RFLNA: variants seen among roughly 807,000 people sequenced by gnomAD.
RFLNA encodes the protein refilin-A.
In RFLNA, 5 loss-of-function variants were observed where a neutral mutation model predicts 7.8. That is an observed-to-expected ratio of 0.64 (90% confidence interval 0.34 to 1.35). The LOEUF is 1.35. RFLNA is among the 40% of genes most tolerant of loss of function. RFLNA has a pLI of 0.04. For missense variants in RFLNA, 278 were observed against 305.5 expected (o/e 0.91, Z 0.67); for synonymous variants, 141 against 131.3 (o/e 1.07, Z -0.50).
In RFLNA at chr12:124,314,352, C is replaced by T. The variant is rs763677847; in HGVS notation, c.478C>T (p.Arg160Cys). The part of the protein sequence containing the change: ...RSQLTLEPRP[R>C]ALRFRSTTII... ...CCAGCTGACCCTGGAGCCACGCCCG[C>T]GCGCCCTGCGCTTCCGCAGCACCAC... is the stretch of plus-strand genomic sequence containing the variant. The change falls in exon 3 of 3, where the codon CGC (arginine) becomes TGC (cysteine). Residue 160 changes from arginine (R) to cysteine (C), a missense_variant. By Grantham distance (180) the Arg-to-Cys change is radical. Transcript: ENST00000546355. 6.8e-6 allele frequency: 11 copies of T among 1,613,316 alleles called. No individual in the cohort carries two copies. Among genetic ancestry groups the T allele is most frequent in the East Asian group, 2.2e-5 (1 of 44,884 alleles).
At chr12:124,292,307 G>A (rs2033836210), upstream of RFLNA, among the ~76,000 whole-genome samples, 1 of 152,180 alleles carries the variant, frequency 6.6e-6, no homozygotes, top group African/African-American at 2.4e-5. Flanking sequence ...GCCTGGAGCA[G>A]ACACCCCGAT....
chr12:124,295,420 C>T lies in RFLNA; in HGVS notation c.-10C>T, dbSNP rs895909030. 4.9e-5 allele frequency: 60 copies of T among 1,226,462 alleles called. No individual in the cohort carries two copies. Among genetic ancestry groups the T allele is most frequent in the Non-Finnish European group, 5.8e-5 (57 of 983,672 alleles). The allele number at this position is 1,226,462 out of a possible 1,614,324, so 76.0% of individuals were successfully genotyped here. A position where few individuals can be genotyped will look rare whatever the true frequency, so the allele number is the denominator to read the frequency against. On this transcript the variant is annotated 5_prime_UTR_variant, in exon 1 of 3. Transcript: ENST00000546355. ...AGGAGCGGGGGGCCCGCGCCCCGCGCCCCCCAGACATGGTGGGCCACCTGC... is the reference window on the plus strand; with the variant it reads ...AGGAGCGGGGGGCCCGCGCCCCGCGTCCCCCAGACATGGTGGGCCACCTGC...
chr12:124,292,207 C>T (rs1227837270), upstream of RFLNA, among the ~76,000 whole-genome samples: 4 of 152,162 alleles, frequency 2.6e-5, no homozygotes. Context: ...TTCTCCCATC[C>T]CTGGCAGATA....
intron 1 of RFLNA, among the ~76,000 whole-genome samples, chr12:124,304,169 A>G (rs1242489995): frequency 6.6e-6 from 1 of 152,256 alleles, no homozygotes; most frequent in Non-Finnish European, 1.5e-5. Flanking sequence ...CCCTGCAGCC[A>G]GAAAGACGAA....
At chr12:124,291,094 G>A (rs1019522700), upstream of RFLNA, among the ~76,000 whole-genome samples, 4 of 152,080 alleles carry the variant, frequency 2.6e-5, no homozygotes, top group Non-Finnish European at 5.9e-5. Context: ...TCCATGTCAC[G>A]GTCCACTGGG....
rs977361635 is a variant in RFLNA, at chr12:124,314,915, G to A, written c.*390G>A. 46 of 379,654 alleles carry A rather than the reference G, an allele frequency of 1.2e-4. No individual in the cohort carries two copies. The highest frequency in any genetic ancestry group is 8.1e-4 in the African/African-American group (39 of 48,268). The allele number at this position is 379,654 out of a possible 1,614,324, so 23.5% of individuals were successfully genotyped here. On this transcript the variant is annotated 3_prime_UTR_variant, in exon 3 of 3. Transcript: ENST00000546355. Reference sequence around the variant, plus strand: ...CATCCCAGCCTCAGCCGGTGGGGACGGCTGCCACTCCCCCAGAGCCCTGCC... The same window carrying A: ...CATCCCAGCCTCAGCCGGTGGGGACAGCTGCCACTCCCCCAGAGCCCTGCC...
chr12:124,301,229 A>T (rs1048211021), intron 1 of RFLNA, among the ~76,000 whole-genome samples: 6 of 152,170 alleles, frequency 3.9e-5, no homozygotes, highest in Non-Finnish European at 8.8e-5. Context: ...CGTCTGCTCG[A>T]TCCCGGGTGA....
rs531077088 is a variant in RFLNA, at chr12:124,313,416, T to C, written c.318-776T>C. On this transcript the variant is annotated intron_variant, in intron 2 of 2. Transcript: ENST00000546355. ...GGTTGCGGCTGGGCGTGGTGGCTCA[T>C]GCCTGTAATCCCAGCACTTTGGGAG... Among the ~76,000 whole-genome samples, 376 of 152,272 alleles carry C rather than the reference T, an allele frequency of 2.5e-3. 1 individual carries two copies. Among genetic ancestry groups the C allele is most frequent in the Middle Eastern group, 0.01 (3 of 294 alleles).
chr12:124,302,449 C>T (rs749865976), intron 1 of RFLNA, among the ~76,000 whole-genome samples: 1 of 152,134 alleles, frequency 6.6e-6, no homozygotes. Flanking sequence ...CTGACCCACT[C>T]GGGGTCTCCT....
At chr12:124,302,812 A>AGGGGCCGAGGTCAG (rs2034064665) in intron 1 of RFLNA, among the ~76,000 whole-genome samples, 14 of 128,848 alleles carry the variant, frequency 1.1e-4, no homozygotes, top group African/African-American at 3.9e-4. Flanking sequence ...GGCTGAGGTC[A>AGGGGCCGAGGTCAG]GGGGCCGAGG....
chr12:124,289,521 T>A lies in RFLNA; in HGVS notation c.-37+151T>A, dbSNP rs1426890963. 6.6e-6 allele frequency among the ~76,000 whole-genome samples: 1 copy of A among 152,166 alleles called. No homozygotes were observed. Among genetic ancestry groups the A allele is most frequent in the African/African-American group, 2.4e-5 (1 of 41,436 alleles). On this transcript the variant is annotated intron_variant, in intron 1 of 2. Coordinates refer to the RFLNA transcript ENST00000324038. This position sits in a 1 kb window ranked among gnomAD's most constrained non-coding sequence, Gnocchi z 5.0. ...GCTGTCCTGGACACGCACATACAAA[T>A]GGCAGCAGAACGTATGCCCAGGTCA... is the stretch of plus-strand genomic sequence containing the variant.
intron 1 of RFLNA, among the ~76,000 whole-genome samples, chr12:124,307,071 G>A (rs1593035392): frequency 6.6e-6 from 1 of 152,202 alleles, no homozygotes; most frequent in Admixed American, 6.5e-5. Context: ...GCATCACCAC[G>A]CACTAGACGC....
chr12:124,314,513 T>C lies in RFLNA; in HGVS notation c.639T>C (p.Pro213=), dbSNP rs1389516645. Reference sequence around the variant, plus strand: ...ACCCTGCCCCCAGCCTCCTGGGCCCTGCCACGCTCTGACGGGGCTGGGGCC... The same window carrying C: ...ACCCTGCCCCCAGCCTCCTGGGCCCCGCCACGCTCTGACGGGGCTGGGGCC... The part of the protein sequence containing the change: ...CQDPAPSLLG[P]ATL Residue 213 remains proline (P), a synonymous_variant, in exon 3 of 3, where the codon CCT becomes CCC. Transcript: ENST00000546355. The C allele has an allele frequency of 1.3e-6, 2 of 1,581,280 alleles. No homozygotes were observed. The highest frequency in any genetic ancestry group is 2.3e-5 in the East Asian group (1 of 43,790).
At chr12:124,308,479 ACC>A (rs1434475351) in intron 1 of RFLNA, among the ~76,000 whole-genome samples, 6 of 152,112 alleles carry the variant, frequency 3.9e-5, no homozygotes, top group Admixed American at 3.9e-4. Context: ...TTGGAAAGCC[ACC>A]TCTGGCCGTG....
At chr12:124,309,624 G>T (rs1332029807) in intron 1 of RFLNA, among the ~76,000 whole-genome samples, 1 of 152,198 alleles carries the variant, frequency 6.6e-6, no homozygotes, top group Non-Finnish European at 1.5e-5. Flanking sequence ...TTAAAGCCCC[G>T]CCCTTCACCT....
At chr12:124,310,876 T>G (rs1167072000) in intron 1 of RFLNA, among the ~76,000 whole-genome samples, 1 of 152,182 alleles carries the variant, frequency 6.6e-6, no homozygotes, top group African/African-American at 2.4e-5. Flanking sequence ...TTCCCCACCT[T>G]GCCAAGATTC....
intron 1 of RFLNA, among the ~76,000 whole-genome samples, chr12:124,305,910 A>G (rs1019854645): frequency 2.6e-5 from 4 of 152,092 alleles, no homozygotes; most frequent in Admixed American, 6.5e-5. Context: ...CCAGGGAGAG[A>G]TGGGGCCACC....
intron 1 of RFLNA, among the ~76,000 whole-genome samples, chr12:124,311,301 C>T (rs1035554836): frequency 2.8e-5 from 3 of 106,304 alleles, no homozygotes; most frequent in African/African-American, 1.2e-4. Flanking sequence ...CTGTGCCCCT[C>T]GACAGGCCTG....
chr12:124,304,304 C>T (rs567185261), intron 1 of RFLNA, among the ~76,000 whole-genome samples: 21 of 152,360 alleles, frequency 1.4e-4, no homozygotes, highest in African/African-American at 4.3e-4. Context: ...CCCAGGCCCA[C>T]GGGACGCCAG....
Sources: allele counts gnomAD v4.1 joint callset (sites outside exome capture counted in the v4.1 genomes callset), GRCh38; gene constraint gnomAD v4.1.1; non-coding constraint Gnocchi (gnomAD v3.1); transcripts MANE v1.5; gene names NCBI Gene and HGNC (gene_info 2026-07-23, HGNC 2026-07-21).